Variants in GABPA observed in about 807,000 individuals in gnomAD.
GABPA encodes GA-binding protein alpha chain.
Under a neutral mutation model 59.4 loss-of-function variants are expected in GABPA, and 4 were observed. The ratio of observed to expected loss-of-function variants is 0.07; its 90% CI spans 0.03 to 0.15. GABPA has a LOEUF of 0.15. Among genes scored for constraint, GABPA ranks in the 10% least tolerant of loss-of-function variants. GABPA has a pLI of 1.00. For missense variants in GABPA, 251 were observed against 543.8 expected (o/e 0.46, Z 5.36); for synonymous variants, 164 against 183.1 (o/e 0.90, Z 0.84).
At chr21:25,745,155 T>G in intron 2 of GABPA, 55 bp from the exon 3 acceptor site, 1 of 1,586,200 alleles carries the variant, frequency 6.3e-7, no homozygotes, top group Non-Finnish European at 8.6e-7. Flanking sequence ...ATATTGTTGC[T>G]TTGAAATCCA....
In GABPA at chr21:25,769,196, G is replaced by GA; in HGVS notation, c.1329_1330insA (p.Ala444SerfsTer11). On this transcript the variant is annotated frameshift_variant, in exon 10 of 10. Coordinates refer to ENST00000400075, the MANE Select transcript of GABPA (RefSeq NM_002040.4). LOFTEE classifies it high-confidence loss of function. Reference sequence around the variant, plus strand: ...CCCAGCCAGTCACAGCAGTAGCTCTGGCTACTGCTTCTCTGCAAACGGAAA... The same window carrying GA: ...CCCAGCCAGTCACAGCAGTAGCTCTGAGCTACTGCTTCTCTGCAAACGGAAA... 6.3e-7 allele frequency: 1 copy of GA among 1,595,960 alleles called. No individual in the cohort carries two copies. Among genetic ancestry groups the GA allele is most frequent in the Middle Eastern group, 1.7e-4 (1 of 6,016 alleles).
Position 25,764,327 on chromosome 21 carries a change from G to A in GABPA, c.920G>A (p.Arg307Lys), listed in dbSNP as rs1244837561. The change falls in exon 8 of 10, where the codon AGA (arginine) becomes AAA (lysine). Residue 307 changes from arginine to lysine, a missense_variant. Arg to Lys is a conservative substitution (Grantham distance 26). Around this residue, in one of 4 missense-constraint regions of GABPA, gnomAD observed 207 missense variants for 366.7 expected, o/e 0.56. Coordinates refer to ENST00000400075, the MANE Select transcript of GABPA (RefSeq NM_002040.4). ...GCGCCGAGGATTTCAGGAGAAGATAGAAGCTCACCTGGGAACAGAACAGGT... is the reference window on the plus strand; with the variant it reads ...GCGCCGAGGATTTCAGGAGAAGATAAAAGCTCACCTGGGAACAGAACAGGT... ...QRAPRISGED[R>K]SSPGNRTGNN... is the part of the protein sequence containing the mutation. The A allele has an allele frequency of 1.2e-6, 2 of 1,611,946 alleles. No individual in the cohort carries two copies.
Position 25,769,067 on chromosome 21 carries a change from C to T in GABPA, c.1200C>T (p.Val400=), listed in dbSNP as rs371993253. The part of the protein sequence containing the change: ...VQGKRFVYKF[V]CDLKTLIGYS... ...GCAAGAGATTTGTGTACAAGTTTGT[C>T]TGTGACTTGAAGACTCTTATTGGAT... Residue 400 remains valine, a synonymous_variant, in exon 10 of 10, where the codon GTC becomes GTT. Transcript: ENST00000400075. 39 of 1,613,188 alleles carry T rather than the reference C, an allele frequency of 2.4e-5. No homozygotes were observed. Among genetic ancestry groups the T allele is most frequent in the Middle Eastern group, 3.3e-4 (2 of 6,070 alleles).
chr21:25,763,140 C>T (rs2035804657), intron 7 of GABPA: 1 of 494,828 alleles, frequency 2.0e-6, no homozygotes, highest in Non-Finnish European at 3.9e-6. Flanking sequence ...CCATCTTTTA[C>T]CTCATGTTGC....
intron 1 of GABPA, among the ~76,000 whole-genome samples, chr21:25,740,314 G>A (rs1000047691): frequency 6.6e-6 from 1 of 152,230 alleles, no homozygotes; most frequent in African/African-American, 2.4e-5. Flanking sequence ...GTGAAATCTT[G>A]TAAGTGGGAG....
At chr21:25,759,575 A>G (rs71651622) in intron 6 of GABPA, among the ~76,000 whole-genome samples, 3,737 of 152,232 alleles carry the variant, frequency 0.025, 155 homozygotes, top group African/African-American at 0.085. Context: ...TTATAATTTT[A>G]TTCTTGTGAG....
rs1407190625 is a variant in GABPA at position 25,770,434 on chromosome 21, A to G, written c.*1202A>G. The G allele has an allele frequency of 6.6e-6, 1 of 152,146 alleles. No homozygotes were observed. The allele number at this position is 152,146 out of a possible 1,614,324, so 9.4% of individuals were successfully genotyped here. ...TTCAAATTAACTAATTCCTGCATAT[A>G]TGACATTCCTTACATAAGCGAACAC... On this transcript the variant is annotated 3_prime_UTR_variant, in exon 10 of 10. Coordinates refer to ENST00000400075, the MANE Select transcript of GABPA (RefSeq NM_002040.4).
At chr21:25,754,383 G>T (rs975796629) in intron 5 of GABPA, among the ~76,000 whole-genome samples, 3 of 151,944 alleles carry the variant, frequency 2.0e-5, no homozygotes, top group African/African-American at 7.2e-5. Context: ...TGTTCTTTTT[G>T]CTGGAACTCC....
rs758573861 is a variant in GABPA at position 25,752,036 on chromosome 21, A to G, written c.355A>G (p.Thr119Ala). ...NILEIVKPAD[T>A]VEVVIDPDAH... ...CCTTGAAATTGTTAAACCTGCGGAC[A>G]CTGTTGAGGTTGTTATTGATCCAGA... is the stretch of plus-strand genomic sequence containing the variant. Residue 119 changes from threonine to alanine, a missense_variant, in exon 5 of 10, where the codon ACT (threonine) becomes GCT (alanine). Physicochemically the swap from Thr to Ala is moderately conservative, Grantham distance 58. Coordinates refer to ENST00000400075, the MANE Select transcript of GABPA (RefSeq NM_002040.4). The G allele has an allele frequency of 5.0e-6, 8 of 1,611,266 alleles. 1 individual carries two copies. The African/African-American group carries it at 5.3e-5, about 11-fold the overall frequency.
intron 3 of GABPA, among the ~76,000 whole-genome samples, chr21:25,746,749 C>T (rs1233490201): frequency 6.6e-6 from 1 of 152,134 alleles, no homozygotes; most frequent in Admixed American, 6.5e-5. Context: ...AAGACCACCT[C>T]CCATTTAATA....
chr21:25,754,736 C>T (rs947495563), intron 5 of GABPA, among the ~76,000 whole-genome samples: 3 of 151,880 alleles, frequency 2.0e-5, no homozygotes, highest in African/African-American at 7.3e-5. Context: ...ATTATTTTTG[C>T]CCATCTTTTC....
Position 25,735,043 on chromosome 21 carries a change from G to A in GABPA, c.-562G>A. On this transcript the variant is annotated 5_prime_UTR_variant, in exon 1 of 10. Transcript: ENST00000400075. Reference sequence around the variant, plus strand: ...CGACCGGACGGGTCTAGGTGAGACAGAAGCCAAACAGGAGGAGGAAGTGGA... The same window carrying A: ...CGACCGGACGGGTCTAGGTGAGACAAAAGCCAAACAGGAGGAGGAAGTGGA... The A allele has an allele frequency of 2.2e-6, 3 of 1,382,746 alleles. No individual in the cohort carries two copies. The highest frequency in any genetic ancestry group is 1.8e-4 in the Middle Eastern group (1 of 5,660). 85.7% of individuals were successfully genotyped at this position (1,382,746 alleles called of 1,614,324 possible). A position where few individuals can be genotyped will look rare whatever the true frequency, so the allele number is the denominator to read the frequency against.
chr21:25,761,002 C>T (rs113014450), intron 6 of GABPA, among the ~76,000 whole-genome samples: 11 of 152,124 alleles, frequency 7.2e-5, no homozygotes, highest in South Asian at 2.1e-4. Flanking sequence ...GTGATGCTTT[C>T]GTTTGCCTCT....
chr21:25,755,396 A>G (rs2035609229), intron 5 of GABPA, among the ~76,000 whole-genome samples: 1 of 149,174 alleles, frequency 6.7e-6, no homozygotes, highest in Non-Finnish European at 1.5e-5. Context: ...TGATGGCACC[A>G]CTATACTCCA....
rs959654867 is a variant in GABPA at position 25,735,360 on chromosome 21, CG to C, written c.-242del. 4.6e-6 allele frequency: 1 copy of C among 217,666 alleles called. No individual in the cohort carries two copies. Among genetic ancestry groups the C allele is most frequent in the African/African-American group, 2.3e-5 (1 of 43,682 alleles). 13.5% of individuals were successfully genotyped at this position (217,666 alleles called of 1,614,324 possible). On this transcript the variant is annotated 5_prime_UTR_variant, in exon 1 of 10. Coordinates refer to ENST00000400075, the MANE Select transcript of GABPA (RefSeq NM_002040.4). ...TGGGCGGTCGTTTTGCGCACCCTGCCGGGAGTTGTAGTCCTGGACCCGAAGG... is the reference window on the plus strand; with the variant it reads ...TGGGCGGTCGTTTTGCGCACCCTGCCGGAGTTGTAGTCCTGGACCCGAAGG...
At chr21:25,768,710 T>C (rs954375202) in intron 9 of GABPA, among the ~76,000 whole-genome samples, 1 of 152,238 alleles carries the variant, frequency 6.6e-6, no homozygotes, top group Non-Finnish European at 1.5e-5. Context: ...CTCTCAAGGT[T>C]TTTTGTTTTG....
chr21:25,748,304 G>C (rs28385600), intron 3 of GABPA, among the ~76,000 whole-genome samples: 13,828 of 152,188 alleles, frequency 0.091, 781 homozygotes, highest in African/African-American at 0.16. Context: ...TTGGGAATGC[G>C]AGTAGGACAT....
At chr21:25,735,834 G>C (rs1440855905) in intron 1 of GABPA, among the ~76,000 whole-genome samples, 1 of 151,920 alleles carries the variant, frequency 6.6e-6, no homozygotes, top group Non-Finnish European at 1.5e-5. Context: ...GGGCACCGCC[G>C]GGACCCGTGC....
chr21:25,749,077 A>G lies in GABPA; in HGVS notation c.264A>G (p.Thr88=), dbSNP rs9981487. The G allele has an allele frequency of 0.023, 36,228 of 1,607,904 alleles. 491 individuals are homozygous for G. The highest frequency in any genetic ancestry group is 0.028 in the Non-Finnish European group (32,465 of 1,174,640). Residue 88 remains threonine (T), a synonymous_variant, in exon 4 of 10, where the codon ACA becomes ACG. Transcript: ENST00000400075. The part of the protein sequence containing the change: ...ERSLFDQGVK[T]DGTVQLSVQV... ...GTTTATTTGACCAAGGAGTAAAAAC[A>G]GATGGAACTGTACAGCTTAGTGTAC...
Sources: gnomAD v4.1 joint callset for allele counts (sites outside exome capture counted in the v4.1 genomes callset) on GRCh38, gnomAD v4.1.1 for gene constraint, gnomAD v4.1.1 regional missense constraint, MANE v1.5 for transcripts, NCBI Gene and HGNC (gene_info 2026-07-23, HGNC 2026-07-21) for gene names.